The following SBF2 variants were observed in gnomAD, a reference collection of about 807,000 sequenced individuals.
SBF2 encodes the protein SET binding factor 2, also known as myotubularin-related protein 13.
SBF2 carries 112 observed loss-of-function variants against 225.2 expected under a neutral mutation model. The ratio of observed to expected loss-of-function variants is 0.50; its 90% CI spans 0.43 to 0.58. SBF2 has a LOEUF of 0.58. Ranked by LOEUF, SBF2 falls within the 20% of genes least tolerant of loss-of-function variation. SBF2 has a pLI of 0.00. For synonymous variants in SBF2, 763 were observed against 773.3 expected, an observed-to-expected ratio of 0.99 and a Z score of 0.22; for missense variants, 1,996 against 2,206.2, an observed-to-expected ratio of 0.90 and a Z score of 1.91.
At chr11:10,010,706 G>A (rs1948414554) in intron 6 of SBF2, among the ~76,000 whole-genome samples, 1 of 152,130 alleles carries the variant, frequency 6.6e-6, no homozygotes, top group Non-Finnish European at 1.5e-5. Context: ...GCTTAGGACT[G>A]TCTTGGCTAT....
intron 2 of SBF2, among the ~76,000 whole-genome samples, chr11:10,070,342 G>A (rs959510514): frequency 1.2e-4 from 18 of 152,150 alleles, no homozygotes; most frequent in Admixed American, 1.1e-3. Flanking sequence ...GTTATAAGAT[G>A]TAAGGAAGGG....
At chr11:9,813,938 C>T (rs1331860708) in intron 29 of SBF2, among the ~76,000 whole-genome samples, 1 of 151,354 alleles carries the variant, frequency 6.6e-6, no homozygotes, top group Non-Finnish European at 1.5e-5. Flanking sequence ...TGAGACTCCA[C>T]CTTAAAAAAA....
upstream of SBF2, among the ~76,000 whole-genome samples, chr11:10,295,931 T>C (rs1964519453): frequency 6.6e-6 from 1 of 152,164 alleles, no homozygotes; most frequent in African/African-American, 2.4e-5. Context: ...AAATGTAGAA[T>C]TCAGTGGCAA....
intron 28 of SBF2, among the ~76,000 whole-genome samples, chr11:9,823,971 A>C (rs1433942155): frequency 6.6e-6 from 1 of 152,228 alleles, no homozygotes; most frequent in African/African-American, 2.4e-5. Flanking sequence ...AATGACAAGC[A>C]CCTGGTTAGG....
intron 16 of SBF2, among the ~76,000 whole-genome samples, chr11:9,949,828 T>C (rs867417425): frequency 1.4e-4 from 22 of 152,202 alleles, no homozygotes; most frequent in African/African-American, 5.1e-4. Flanking sequence ...ATGAAATACA[T>C]AATACACCAT....
chr11:9,903,523 G>A (rs1488308810), intron 16 of SBF2, among the ~76,000 whole-genome samples: 1 of 152,130 alleles, frequency 6.6e-6, no homozygotes, highest in Non-Finnish European at 1.5e-5. Flanking sequence ...GAAAGAATTG[G>A]ACTGAGGGGC....
At chr11:10,032,820 C>A (rs1949308246) in intron 3 of SBF2, among the ~76,000 whole-genome samples, 1 of 152,204 alleles carries the variant, frequency 6.6e-6, no homozygotes. Flanking sequence ...AATATTTATT[C>A]ATTGCATACA....
chr11:10,065,011 C>A (rs1950580042), intron 2 of SBF2, among the ~76,000 whole-genome samples: 1 of 152,060 alleles, frequency 6.6e-6, no homozygotes, highest in Admixed American at 6.5e-5. Flanking sequence ...CCAAACCAGA[C>A]CATATACTGG....
At chr11:9,971,733 A>C (rs1946467841) in intron 13 of SBF2, among the ~76,000 whole-genome samples, 1 of 152,140 alleles carries the variant, frequency 6.6e-6, no homozygotes, top group Non-Finnish European at 1.5e-5. Context: ...TCTAGTCAAA[A>C]TCTCTAAAGA....
chr11:10,006,518 T>G (rs1948197235), intron 6 of SBF2, among the ~76,000 whole-genome samples: 1 of 152,200 alleles, frequency 6.6e-6, no homozygotes, highest in Non-Finnish European at 1.5e-5. Context: ...CCCCACTTAC[T>G]TGCTTTTTTT....
At chr11:10,178,735 C>G (rs1453203356) in intron 2 of SBF2, among the ~76,000 whole-genome samples, 2 of 144,308 alleles carry the variant, frequency 1.4e-5, no homozygotes, top group African/African-American at 5.2e-5. Context: ...AACACTTTTA[C>G]ACTGTTGGTG....
intron 1 of SBF2, among the ~76,000 whole-genome samples, chr11:10,249,957 T>C (rs1335608589): frequency 6.6e-6 from 1 of 151,988 alleles, no homozygotes; most frequent in Non-Finnish European, 1.5e-5. Context: ...CATGTTAAGT[T>C]ACATGGGAAG....
At chr11:10,062,870 C>T (rs1950497482) in intron 2 of SBF2, among the ~76,000 whole-genome samples, 1 of 152,070 alleles carries the variant, frequency 6.6e-6, no homozygotes, top group South Asian at 2.1e-4. Flanking sequence ...AGCATTCTAC[C>T]ATAAAGACCC....
intron 2 of SBF2, among the ~76,000 whole-genome samples, chr11:10,161,469 A>C (rs976012987): frequency 2.6e-5 from 4 of 152,250 alleles, no homozygotes; most frequent in African/African-American, 9.6e-5. Context: ...TGACTAGCTG[A>C]AGCCTGCACT....
intron 1 of SBF2, among the ~76,000 whole-genome samples, chr11:10,226,625 T>C (rs1958569831): frequency 1.3e-5 from 2 of 152,238 alleles, no homozygotes; most frequent in East Asian, 3.9e-4. Flanking sequence ...TGATGGTTTC[T>C]AGCTTCATCC....
chr11:9,938,399 C>T (rs1265245508), intron 16 of SBF2, among the ~76,000 whole-genome samples: 10 of 146,366 alleles, frequency 6.8e-5, no homozygotes, highest in African/African-American at 1.0e-4. Context: ...ATTTTTTTTT[C>T]GGGGAACTGA....
intron 33 of SBF2, among the ~76,000 whole-genome samples, chr11:9,794,676 C>CA (rs575749593): frequency 0.035 from 1,217 of 35,270 alleles, 288 homozygotes; most frequent in Non-Finnish European, 0.041. Flanking sequence ...GACTCCGTCT[C>CA]AAAAAAAAAA....
Position 9,832,326 on chromosome 11 carries a change from A to G in SBF2, c.3550T>C (p.Cys1184Arg), listed in dbSNP as rs762738168. 6.2e-7 allele frequency: 1 copy of G among 1,614,144 alleles called. No homozygotes were observed. ...CYRHNRLPVV[C>R]WKNSRSGTLL... ...GTACCACTTCTTGAGTTCTTCCAACATACAACAGGCAGGCGATTGTGTCGA... is the reference window on the plus strand; with the variant it reads ...GTACCACTTCTTGAGTTCTTCCAACGTACAACAGGCAGGCGATTGTGTCGA... The change falls in exon 27 of 40, where the codon TGT becomes CGT. Residue 1184 changes from cysteine to arginine, a missense_variant. By Grantham distance (180) the Cys-to-Arg change is radical. Transcript: ENST00000256190.
At chr11:9,940,959 A>G (rs1344336347) in intron 16 of SBF2, among the ~76,000 whole-genome samples, 2 of 152,222 alleles carry the variant, frequency 1.3e-5, no homozygotes, top group African/African-American at 4.8e-5. Context: ...CTTAGGAAAT[A>G]ATTACCAAAA....
Sources: gnomAD v4.1 joint callset for allele counts (sites outside exome capture counted in the v4.1 genomes callset) on GRCh38, gnomAD v4.1.1 for gene constraint, MANE v1.5 for transcripts, NCBI Gene and HGNC (gene_info 2026-07-23, HGNC 2026-07-21) for gene names.